The following NAV3 variants were observed in gnomAD, a reference collection of about 807,000 sequenced individuals.
The protein encoded by NAV3 is neuron navigator 3, also known as pore membrane and/or filament interacting like protein 1.
In NAV3, 87 loss-of-function variants were observed where a neutral mutation model predicts 244.7. The observed-to-expected ratio is 0.36, with a 90% CI of 0.30 to 0.42. The LOEUF (loss-of-function observed/expected upper bound fraction) is 0.42. Among genes scored for constraint, NAV3 ranks in the 20% least tolerant of loss-of-function variants. The pLI, the probability that NAV3 is intolerant of heterozygous loss-of-function variation, is 1.00. For missense variants in NAV3, 2,663 were observed against 2,893.3 expected (o/e 0.92, Z 1.83); for synonymous variants, 1,126 against 1,042.2 (o/e 1.08, Z -1.55).
chr12:78,152,718 A>G (rs556987986), intron 22 of NAV3, among the ~76,000 whole-genome samples: 1 of 152,022 alleles, frequency 6.6e-6, no homozygotes, highest in Non-Finnish European at 1.5e-5. Context: ...ATGTACTTAA[A>G]TTGATTATAG....
At chr12:78,063,256 TA>T (rs991954064) in intron 12 of NAV3, among the ~76,000 whole-genome samples, 1 of 152,026 alleles carries the variant, frequency 6.6e-6, no homozygotes, top group South Asian at 2.1e-4. Context: ...TTTACTTGAC[TA>T]AAAAAAAGAT....
intron 22 of NAV3, among the ~76,000 whole-genome samples, chr12:78,154,313 G>GTATATATTACTATTTATTATATAA (rs1555183047): frequency 7.7e-6 from 1 of 130,480 alleles, no homozygotes. Context: ...ATAATATATA[G>GTATATATTACTATTTATTATATAA]TATATATATA....
At chr12:78,171,112 G>A (rs987937682) in intron 24 of NAV3, among the ~76,000 whole-genome samples, 1 of 151,728 alleles carries the variant, frequency 6.6e-6, no homozygotes, top group African/African-American at 2.4e-5. Flanking sequence ...TATATAAAGT[G>A]AGATATGCTT....
chr12:77,732,422 G>C (rs2137349075), intron 2 of NAV3, among the ~76,000 whole-genome samples: 1 of 152,076 alleles, frequency 6.6e-6, no homozygotes, highest in Non-Finnish European at 1.5e-5. Flanking sequence ...CCGTGGGTGG[G>C]TGATTCCAAG....
At chr12:78,006,268 T>A in intron 7 of NAV3, 151 bp from the exon 8 acceptor site, 2 of 720,554 alleles carry the variant, frequency 2.8e-6, no homozygotes, top group Non-Finnish European at 2.2e-6. Context: ...TAAAAAAAAA[T>A]CACATCAGAG....
At chr12:77,967,430 G>A (rs997418153) in intron 4 of NAV3, among the ~76,000 whole-genome samples, 1 of 151,990 alleles carries the variant, frequency 6.6e-6, no homozygotes, top group African/African-American at 2.4e-5. Context: ...GAAATGTTTG[G>A]GGGAAAAATA....
At chr12:77,718,844 T>A (rs1592614314) in intron 2 of NAV3, among the ~76,000 whole-genome samples, 1 of 151,908 alleles carries the variant, frequency 6.6e-6, no homozygotes, top group Non-Finnish European at 1.5e-5. Context: ...TTAGTAGAGA[T>A]AGGGTTTCTG....
intron 39 of NAV3, among the ~76,000 whole-genome samples, chr12:78,205,554 T>C (rs1235415670): frequency 6.6e-6 from 1 of 152,100 alleles, no homozygotes. Context: ...TCAACTAACC[T>C]GACTAATTTT....
At chr12:78,093,832 ACT>A (rs1491265276) in intron 12 of NAV3, among the ~76,000 whole-genome samples, 2 of 152,110 alleles carry the variant, frequency 1.3e-5, no homozygotes, top group Non-Finnish European at 2.9e-5. Context: ...AATTTTATTT[ACT>A]TTTTTTTCTT....
At chr12:77,794,077 T>A (rs1477071394) in intron 2 of NAV3, among the ~76,000 whole-genome samples, 1 of 152,236 alleles carries the variant, frequency 6.6e-6, no homozygotes, top group Non-Finnish European at 1.5e-5. Context: ...TGACCAGTGA[T>A]GATGAGCTTT....
rs541751606 is a variant in NAV3, at chr12:77,678,533, C to A, written c.72+106267C>A. On this transcript the variant is annotated intron_variant, in intron 2 of 8. Transcript: ENST00000550042. ...TTTCTCTTTGGGGACTTGAAGGGAT[C>A]ACAGGAATCCCCTACTTCCTTTACA... Among the ~76,000 whole-genome samples the A allele has an allele frequency of 3.9e-5, 6 of 152,264 alleles. No individual in the cohort carries two copies. In the South Asian group the frequency reaches 8.3e-4, roughly 21 times the overall value.
intron 22 of NAV3, among the ~76,000 whole-genome samples, chr12:78,157,932 A>C (rs539280974): frequency 4.5e-4 from 68 of 152,228 alleles, no homozygotes; most frequent in Non-Finnish European, 8.2e-4. Context: ...GTGTCAGGTA[A>C]AGAAAGGCAT....
chr12:77,826,913 A>G (rs1343363248), upstream of NAV3, among the ~76,000 whole-genome samples: 1 of 152,118 alleles, frequency 6.6e-6, no homozygotes, highest in Non-Finnish European at 1.5e-5. Flanking sequence ...TTCCACTTCA[A>G]TCAAGCTGTT....
chr12:77,740,641 A>AT (rs1187957280), intron 2 of NAV3, among the ~76,000 whole-genome samples: 1 of 152,192 alleles, frequency 6.6e-6, no homozygotes, highest in African/African-American at 2.4e-5. Flanking sequence ...CTGTAATGAT[A>AT]AATCCCATTT....
At chr12:78,114,447 G>A (rs903837077) in intron 12 of NAV3, among the ~76,000 whole-genome samples, 1 of 152,164 alleles carries the variant, frequency 6.6e-6, no homozygotes, top group Non-Finnish European at 1.5e-5. Flanking sequence ...GTTCAGCATG[G>A]CTGGCAAGGC....
intron 5 of NAV3, among the ~76,000 whole-genome samples, chr12:77,985,851 A>T (rs1001271042): frequency 1.3e-5 from 2 of 151,988 alleles, no homozygotes; most frequent in African/African-American, 2.4e-5. Context: ...ATGATTTCCT[A>T]TTTGATCTGT....
intron 10 of NAV3, 58 bp downstream of exon 10, chr12:78,050,159 C>T: frequency 1.7e-6 from 2 of 1,198,786 alleles, no homozygotes; most frequent in Non-Finnish European, 2.4e-6. Context: ...TACAAACAAA[C>T]ATTTAACTTT....
intron 2 of NAV3, among the ~76,000 whole-genome samples, chr12:77,724,809 T>C (rs937739141): frequency 9.9e-5 from 15 of 151,980 alleles, no homozygotes; most frequent in Admixed American, 9.2e-4. Context: ...TAATTGAAGA[T>C]ACTGTATAAA....
At chr12:78,115,283 A>T (rs1298790030) in intron 12 of NAV3, among the ~76,000 whole-genome samples, 2 of 152,184 alleles carry the variant, frequency 1.3e-5, no homozygotes, top group Admixed American at 6.5e-5. Context: ...TTGAGAGAGC[A>T]CAGGTATGGG....
Sources: allele counts gnomAD v4.1 joint callset (sites outside exome capture counted in the v4.1 genomes callset), GRCh38; gene constraint gnomAD v4.1.1; transcripts MANE v1.5; gene names NCBI Gene and HGNC (gene_info 2026-07-23, HGNC 2026-07-21).